CPE: variants seen among roughly 807,000 people sequenced by gnomAD.
CPE encodes carboxypeptidase E.
A neutral mutation model predicts 53.5 loss-of-function variants in CPE; 17 were observed. The observed-to-expected ratio is 0.32, with a 90% confidence interval of 0.22 to 0.48. CPE has a LOEUF of 0.48. CPE is among the 20% of genes least tolerant of loss of function. CPE has a pLI of 0.99. For synonymous variants in CPE, 226 were observed against 228.8 expected (o/e 0.99, Z 0.11); for missense variants, 524 against 614.7 (o/e 0.85, Z 1.56).
At chr4:165,487,714 A>G in intron 6 of CPE, 137 bp downstream of exon 6, 1 of 964,566 alleles carries the variant, frequency 1.0e-6, no homozygotes, top group East Asian at 2.6e-5. Flanking sequence ...AGGTGTCAGC[A>G]GTGTTTCAGT....
chr4:165,405,985 T>C (rs1474419136), intron 1 of CPE: 1 of 743,970 alleles, frequency 1.3e-6, no homozygotes, highest in East Asian at 2.5e-5. Context: ...GTGCTTCTTG[T>C]GGTATCTGTG....
At chr4:165,443,925 A>G (rs1731658471) in intron 1 of CPE, among the ~76,000 whole-genome samples, 1 of 152,152 alleles carries the variant, frequency 6.6e-6, no homozygotes, top group Non-Finnish European at 1.5e-5. Flanking sequence ...TGCCTTTTCC[A>G]TCACATGAGG....
At chr4:165,410,107 G>A (rs1731013082) in intron 1 of CPE, among the ~76,000 whole-genome samples, 1 of 151,894 alleles carries the variant, frequency 6.6e-6, no homozygotes, top group Non-Finnish European at 1.5e-5. Context: ...AAATTAGCTG[G>A]GTGTGGTGGT....
intron 7 of CPE, among the ~76,000 whole-genome samples, chr4:165,495,256 A>T (rs1732686944): frequency 6.6e-6 from 1 of 152,184 alleles, no homozygotes; most frequent in African/African-American, 2.4e-5. Context: ...TGCTTGGGGA[A>T]TTCATCTGTC....
At chr4:165,390,141 G>T (rs1023506767) in intron 1 of CPE, among the ~76,000 whole-genome samples, 3 of 152,192 alleles carry the variant, frequency 2.0e-5, no homozygotes, top group Non-Finnish European at 2.9e-5. Context: ...CTTCTAGAAT[G>T]GTGACCTTGA....
chr4:165,455,368 A>G (rs970403818), intron 1 of CPE, among the ~76,000 whole-genome samples: 32 of 152,222 alleles, frequency 2.1e-4, no homozygotes, highest in Admixed American at 2.1e-3. Flanking sequence ...AGAATCTTCT[A>G]AGAGAGTTAT....
intron 1 of CPE, among the ~76,000 whole-genome samples, chr4:165,444,262 A>G (rs1266229003): frequency 6.6e-6 from 1 of 152,196 alleles, no homozygotes; most frequent in African/African-American, 2.4e-5. Context: ...TGTAACACAG[A>G]TAGACATCTC....
At chr4:165,451,915 C>T (rs937741699) in intron 1 of CPE, among the ~76,000 whole-genome samples, 2 of 151,700 alleles carry the variant, frequency 1.3e-5, no homozygotes, top group Non-Finnish European at 2.9e-5. Flanking sequence ...AGCCACGTAC[C>T]GCCCCCCCAA....
intron 1 of CPE, among the ~76,000 whole-genome samples, chr4:165,431,505 C>G (rs768800605): frequency 5.9e-5 from 9 of 152,124 alleles, no homozygotes; most frequent in Non-Finnish European, 1.3e-4. Flanking sequence ...ATATAGCTCT[C>G]TAGGAAGCAG....
At chr4:165,383,889 T>G (rs1052878974) in intron 1 of CPE, among the ~76,000 whole-genome samples, 1 of 152,238 alleles carries the variant, frequency 6.6e-6, no homozygotes, top group Non-Finnish European at 1.5e-5. Context: ...TCAAGAGTTA[T>G]TTTTAGACCT....
rs113538944 is a variant in CPE at position 165,465,917 on chromosome 4, T to C, written c.504+1331T>C. 1.8e-3 allele frequency among the ~76,000 whole-genome samples: 276 copies of C among 152,350 alleles called. 1 individual carries two copies. The highest frequency in any genetic ancestry group is 6.3e-3 in the African/African-American group (263 of 41,582). On this transcript the variant is annotated intron_variant, in intron 2 of 8. Transcript: ENST00000402744. ...AAATCTAATTATAGAATGATATGCT[T>C]TGAAATAGGTCATTTATAACTAGTG... is the stretch of plus-strand genomic sequence containing the variant.
chr4:165,424,393 A>G (rs1428527469), intron 1 of CPE, among the ~76,000 whole-genome samples: 30 of 137,690 alleles, frequency 2.2e-4, no homozygotes. Context: ...TTTTGATAGG[A>G]AAATATAAAT....
At chr4:165,398,947 A>T (rs1730821277) in intron 1 of CPE, among the ~76,000 whole-genome samples, 1 of 152,230 alleles carries the variant, frequency 6.6e-6, no homozygotes, top group African/African-American at 2.4e-5. Context: ...TCAATGACTA[A>T]GAAGTTCCAC....
At chr4:165,496,702 G>T (rs945948074) in intron 8 of CPE, among the ~76,000 whole-genome samples, 1 of 152,090 alleles carries the variant, frequency 6.6e-6, no homozygotes, top group African/African-American at 2.4e-5. Context: ...ACCTGATGAA[G>T]ATTCCCATTC....
intron 4 of CPE, among the ~76,000 whole-genome samples, chr4:165,483,001 G>A (rs866891597): frequency 7.2e-6 from 1 of 139,762 alleles, no homozygotes; most frequent in Non-Finnish European, 1.6e-5. Context: ...TGATTAGTTT[G>A]TTTTTTTTTT....
intron 1 of CPE, among the ~76,000 whole-genome samples, chr4:165,442,030 T>TG (rs796203200): frequency 0.011 from 1,131 of 100,860 alleles, 24 homozygotes; most frequent in African/African-American, 0.049. Flanking sequence ...TTTGTTTTTT[T>TG]TTTTTGTTTT....
At chr4:165,403,761 T>C (rs1730909033) in intron 1 of CPE, among the ~76,000 whole-genome samples, 2 of 151,356 alleles carry the variant, frequency 1.3e-5, no homozygotes, top group African/African-American at 4.9e-5. Flanking sequence ...CACCCTGGCC[T>C]CCTGACAGGA....
At chr4:165,405,190 A>G in intron 1 of CPE, 2 of 778,092 alleles carry the variant, frequency 2.6e-6, no homozygotes, top group East Asian at 4.9e-5. Context: ...TGAGTGTGGC[A>G]TCTTTAAGTA....
intron 1 of CPE, among the ~76,000 whole-genome samples, chr4:165,398,973 A>G (rs886924262): frequency 1.3e-5 from 2 of 152,240 alleles, no homozygotes; most frequent in Admixed American, 1.3e-4. Flanking sequence ...ATCACAACCT[A>G]TTATAACCAA....
Sources: gnomAD v4.1 joint callset for allele counts (sites outside exome capture counted in the v4.1 genomes callset) on GRCh38, gnomAD v4.1.1 for gene constraint, MANE v1.5 for transcripts, NCBI Gene and HGNC (gene_info 2026-07-23, HGNC 2026-07-21) for gene names.